UVRAG: variants seen among roughly 807,000 people sequenced by gnomAD.
UVRAG encodes the protein UV radiation resistance associated.
In UVRAG, 19 loss-of-function variants were observed where a neutral mutation model predicts 78.0. The ratio of observed to expected loss-of-function variants is 0.24; its 90% CI spans 0.17 to 0.36. The LOEUF (loss-of-function observed/expected upper bound fraction) is 0.36. Ranked by LOEUF, UVRAG falls within the 10% of genes least tolerant of loss-of-function variation. The pLI, the probability that UVRAG is intolerant of heterozygous loss-of-function variation, is 1.00. For synonymous variants in UVRAG, 323 were observed against 324.6 expected, an observed-to-expected ratio of 1.00 and a Z score of 0.05; for missense variants, 740 against 853.8, an observed-to-expected ratio of 0.87 and a Z score of 1.66.
At chr11:75,918,850 T>C (rs896804940) in intron 6 of UVRAG, among the ~76,000 whole-genome samples, 7 of 152,226 alleles carry the variant, frequency 4.6e-5, no homozygotes, top group Non-Finnish European at 1.5e-5. Context: ...AAAAAATTTC[T>C]AGGCTAATAT....
intron 6 of UVRAG, among the ~76,000 whole-genome samples, chr11:75,923,989 A>G (rs1472912137): frequency 6.6e-6 from 1 of 152,212 alleles, no homozygotes; most frequent in African/African-American, 2.4e-5. Context: ...CTAAAACAAA[A>G]TATTTCAGAT....
At chr11:76,091,061 A>G (rs1275791257) in intron 13 of UVRAG, among the ~76,000 whole-genome samples, 1 of 152,198 alleles carries the variant, frequency 6.6e-6, no homozygotes, top group Non-Finnish European at 1.5e-5. Context: ...ATAGCTTCCT[A>G]AGAAAGCATG....
chr11:75,879,357 A>G (rs1390618195), intron 3 of UVRAG, among the ~76,000 whole-genome samples: 2 of 152,106 alleles, frequency 1.3e-5, no homozygotes, highest in Admixed American at 6.5e-5. Context: ...GAAATTACTT[A>G]TTTTAATCTG....
In UVRAG at chr11:76,012,320, G is replaced by GA. The variant is rs542024632; in HGVS notation, c.1060+3464dup. ...AGGAATTACCCTCAATTTAAAAAAG[G>GA]AAAAAAAAAAAGAAAAAGAAAATTG... On this transcript the variant is annotated intron_variant, in intron 11 of 14. Transcript: ENST00000356136. Among the ~76,000 whole-genome samples the GA allele has an allele frequency of 9.5e-3, 1,328 of 140,098 alleles. 13 individuals carry two copies. Among genetic ancestry groups the GA allele is most frequent in the African/African-American group, 0.03 (1,159 of 38,322 alleles). The allele number at this position is 140,098 out of a possible 152,430, so 91.9% of individuals were successfully genotyped here.
At chr11:76,137,631 G>C in intron 14 of UVRAG, 1 of 368,230 alleles carries the variant, frequency 2.7e-6, no homozygotes, top group Non-Finnish European at 5.3e-6. Context: ...GGGACCTGTG[G>C]CTCACACCTG....
intron 1 of UVRAG, among the ~76,000 whole-genome samples, chr11:75,827,374 C>T (rs1230137222): frequency 1.3e-5 from 2 of 152,246 alleles, no homozygotes; most frequent in African/African-American, 4.8e-5. Flanking sequence ...CACTGGGAGG[C>T]TGAGGCAGGT....
At chr11:76,004,826 C>T (rs550321775) in intron 9 of UVRAG, among the ~76,000 whole-genome samples, 2 of 152,160 alleles carry the variant, frequency 1.3e-5, no homozygotes. Context: ...TTTTGCTTAA[C>T]TTTCAAATAG....
At chr11:75,836,088 ACT>A (rs1945769571) in intron 1 of UVRAG, among the ~76,000 whole-genome samples, 1 of 151,320 alleles carries the variant, frequency 6.6e-6, no homozygotes, top group South Asian at 2.1e-4. Flanking sequence ...AGACAGTGAG[ACT>A]CTGTCTTAAA....
At chr11:76,080,445 A>G (rs1363559471) in intron 13 of UVRAG, among the ~76,000 whole-genome samples, 1 of 152,024 alleles carries the variant, frequency 6.6e-6, no homozygotes, top group African/African-American at 2.4e-5. Context: ...ACTTCAGATA[A>G]TCCTTCTACT....
At chr11:76,110,948 T>G (rs1375352332) in intron 13 of UVRAG, among the ~76,000 whole-genome samples, 1 of 152,066 alleles carries the variant, frequency 6.6e-6, no homozygotes, top group Non-Finnish European at 1.5e-5. Context: ...AACCTCCACC[T>G]CCCAGGTTCA....
chr11:76,084,540 T>C (rs1333133884), intron 13 of UVRAG, among the ~76,000 whole-genome samples: 1 of 152,214 alleles, frequency 6.6e-6, no homozygotes, highest in Non-Finnish European at 1.5e-5. Context: ...TTTTATATAC[T>C]TTTTCCAATA....
chr11:75,861,715 T>C (rs1043542459), intron 2 of UVRAG, 31 bp from the exon 3 acceptor site: 16 of 1,535,148 alleles, frequency 1.0e-5, no homozygotes, highest in Non-Finnish European at 1.4e-5. Context: ...TTCTTTCATA[T>C]CACTTATTGT....
At chr11:75,969,084 C>T (rs1949079347) in intron 7 of UVRAG, among the ~76,000 whole-genome samples, 1 of 152,110 alleles carries the variant, frequency 6.6e-6, no homozygotes, top group Admixed American at 6.5e-5. Flanking sequence ...CCATTATCAC[C>T]ATCCATCTCC....
At chr11:75,876,995 G>GAAAA (rs1946797136) in intron 3 of UVRAG, among the ~76,000 whole-genome samples, 1 of 151,236 alleles carries the variant, frequency 6.6e-6, no homozygotes, top group Non-Finnish European at 1.5e-5. Context: ...GGACCCTGCG[G>GAAAA]CCTTCCGCAG....
chr11:75,981,169 T>C (rs1212893121), intron 7 of UVRAG, among the ~76,000 whole-genome samples: 1 of 151,998 alleles, frequency 6.6e-6, no homozygotes, highest in Admixed American at 6.6e-5. Context: ...TGGAGTGTAG[T>C]GGCATGATCT....
intron 9 of UVRAG, among the ~76,000 whole-genome samples, chr11:76,006,345 C>T (rs1949937962): frequency 6.6e-6 from 1 of 151,920 alleles, no homozygotes; most frequent in African/African-American, 2.4e-5. Flanking sequence ...ATGTATTGAT[C>T]ATGTTTCTTA....
chr11:76,005,693 G>A (rs1565115949), intron 9 of UVRAG, among the ~76,000 whole-genome samples: 1 of 152,192 alleles, frequency 6.6e-6, no homozygotes, highest in Non-Finnish European at 1.5e-5. Flanking sequence ...GTGCCATTTG[G>A]CAAGCCCCAG....
At chr11:75,991,935 G>A (rs182373425) in intron 8 of UVRAG, among the ~76,000 whole-genome samples, 32 of 151,998 alleles carry the variant, frequency 2.1e-4, no homozygotes, top group East Asian at 1.9e-3. Flanking sequence ...AACACAAGCC[G>A]GTATTAATTG....
intron 12 of UVRAG, among the ~76,000 whole-genome samples, chr11:76,018,569 C>T (rs1401516227): frequency 6.6e-6 from 1 of 152,060 alleles, no homozygotes; most frequent in Non-Finnish European, 1.5e-5. Flanking sequence ...CCAGCACGCC[C>T]AGCTAATTTT....
Sources: allele counts gnomAD v4.1 joint callset (sites outside exome capture counted in the v4.1 genomes callset), GRCh38; gene constraint gnomAD v4.1.1; transcripts MANE v1.5; gene names NCBI Gene and HGNC (gene_info 2026-07-23, HGNC 2026-07-21).